GPATCH2: variants seen among roughly 807,000 people sequenced by gnomAD.
The protein encoded by GPATCH2 is G patch domain-containing protein 2.
In GPATCH2, 51 loss-of-function variants were observed where a neutral mutation model predicts 58.0. The observed-to-expected ratio is 0.88, with a 90% CI of 0.70 to 1.11. The LOEUF is 1.11. Among genes scored for constraint, GPATCH2 ranks in the 50% most tolerant of loss-of-function variants. The pLI, the probability that GPATCH2 is intolerant of heterozygous loss-of-function variation, is 0.00. For missense variants in GPATCH2, 625 were observed against 652.2 expected, an observed-to-expected ratio of 0.96 and a Z score of 0.45; for synonymous variants, 222 against 218.5, an observed-to-expected ratio of 1.02 and a Z score of -0.14.
chr1:217,590,745 C>T lies in GPATCH2; in HGVS notation c.1098+19576G>A, dbSNP rs372216338. The stretch of plus-strand genomic sequence containing the variant: ...TGGCCACTAGAAGGCATTTGAACTT[C>T]GGACTCCTGAGATAAATGAGTGATA... On this transcript the variant is annotated intron_variant, in intron 5 of 9. Transcript: ENST00000366935. Among the ~76,000 whole-genome samples, 24 of 152,306 alleles carry T rather than the reference C, an allele frequency of 1.6e-4. No homozygotes were observed. In the South Asian group the frequency reaches 3.1e-3, roughly 20 times the overall value.
intron 6 of GPATCH2, among the ~76,000 whole-genome samples, chr1:217,508,055 C>T (rs919074096): frequency 1.3e-5 from 2 of 152,022 alleles, no homozygotes; most frequent in Non-Finnish European, 2.9e-5. Context: ...CTGTATTTTA[C>T]ACCTAAGCAC....
intron 5 of GPATCH2, among the ~76,000 whole-genome samples, chr1:217,530,926 C>T (rs924779809): frequency 6.6e-6 from 1 of 151,968 alleles, no homozygotes; most frequent in South Asian, 2.1e-4. Flanking sequence ...AGCTGATTTG[C>T]TTTTCTTGGC....
chr1:217,566,508 T>C (rs1666244395), intron 5 of GPATCH2, among the ~76,000 whole-genome samples: 1 of 152,220 alleles, frequency 6.6e-6, no homozygotes, highest in African/African-American at 2.4e-5. Context: ...TAATTTTTTA[T>C]ATACAGTTCA....
intron 5 of GPATCH2, among the ~76,000 whole-genome samples, chr1:217,549,271 A>G (rs1367244266): frequency 6.6e-6 from 1 of 151,704 alleles, no homozygotes; most frequent in Non-Finnish European, 1.5e-5. Flanking sequence ...CATAACTTAG[A>G]TCAATATGAG....
intron 5 of GPATCH2, among the ~76,000 whole-genome samples, chr1:217,580,398 C>T (rs1396634677): frequency 6.6e-6 from 1 of 152,114 alleles, no homozygotes; most frequent in Admixed American, 6.5e-5. Flanking sequence ...AACCTTTCAA[C>T]TTACAAATCA....
intron 1 of GPATCH2, among the ~76,000 whole-genome samples, chr1:217,625,384 TG>T (rs1669401554): frequency 6.6e-6 from 1 of 152,178 alleles, no homozygotes; most frequent in South Asian, 2.1e-4. Flanking sequence ...CCCTAAGAAC[TG>T]GGAGTTGATT....
At chr1:217,574,007 T>C (rs758620741) in intron 5 of GPATCH2, among the ~76,000 whole-genome samples, 7 of 152,194 alleles carry the variant, frequency 4.6e-5, no homozygotes, top group Non-Finnish European at 8.8e-5. Context: ...AAAAATGATA[T>C]CTGAGAAAAT....
intron 2 of GPATCH2, among the ~76,000 whole-genome samples, chr1:217,619,121 A>G (rs1669054992): frequency 6.6e-6 from 1 of 152,208 alleles, no homozygotes; most frequent in African/African-American, 2.4e-5. Context: ...ATTTCTTGCA[A>G]GTAGCATCAC....
chr1:217,499,418 C>A (rs1662186177), intron 6 of GPATCH2, among the ~76,000 whole-genome samples: 1 of 152,148 alleles, frequency 6.6e-6, no homozygotes. Flanking sequence ...TGCAGAAGGG[C>A]AAGGGGCTAG....
Position 217,524,266 on chromosome 1 carries a change from G to A in GPATCH2, c.1099-9377C>T, listed in dbSNP as rs533486677. The stretch of plus-strand genomic sequence containing the variant: ...GGTCTCCTCACTTCTCAGACGGGGC[G>A]GCCGGGCAGAGACGCTCCTCACTTC... On this transcript the variant is annotated intron_variant, in intron 5 of 9. Transcript: ENST00000366935. Among the ~76,000 whole-genome samples, 91 of 150,414 alleles carry A rather than the reference G, an allele frequency of 6.0e-4. 1 individual carries two copies. The Middle Eastern group carries it at 0.017, about 28-fold the overall frequency.
chr1:217,475,883 C>A (rs972246070), intron 8 of GPATCH2, among the ~76,000 whole-genome samples: 2 of 151,386 alleles, frequency 1.3e-5, no homozygotes, highest in Admixed American at 6.6e-5. Context: ...ACATAAAATC[C>A]CACACAGGGG....
intron 8 of GPATCH2, among the ~76,000 whole-genome samples, chr1:217,459,956 T>G (rs1253378902): frequency 6.6e-6 from 1 of 152,170 alleles, no homozygotes; most frequent in Non-Finnish European, 1.5e-5. Context: ...TTTTTTTCTT[T>G]CATCAGCACA....
chr1:217,631,023 AACTAC>A lies in GPATCH2; in HGVS notation c.-57_-53del. 2.0e-6 allele frequency: 3 copies of A among 1,501,710 alleles called. No individual in the cohort carries two copies. Among genetic ancestry groups the A allele is most frequent in the Non-Finnish European group, 2.7e-6 (3 of 1,107,484 alleles). 93.0% of individuals were successfully genotyped at this position (1,501,710 alleles called of 1,614,324 possible). A position where few individuals can be genotyped will look rare whatever the true frequency, so the allele number is the denominator to read the frequency against. On this transcript the variant is annotated 5_prime_UTR_variant, in exon 1 of 10. It removes the in-frame stop codon of an upstream open reading frame in the 5' UTR. Transcript: ENST00000366935. ...AAGCTCAGGCCCGTGAACAGACTCC[AACTAC>A]AACAGCACCGGCGACTTCCAAAGAG...
chr1:217,441,698 C>A (rs1659148998), intron 9 of GPATCH2, among the ~76,000 whole-genome samples: 1 of 152,128 alleles, frequency 6.6e-6, no homozygotes, highest in African/African-American at 2.4e-5. Context: ...TGAACAGACA[C>A]TTCTCAAAAG....
chr1:217,576,421 T>C (rs1666806051), intron 5 of GPATCH2, among the ~76,000 whole-genome samples: 1 of 152,182 alleles, frequency 6.6e-6, no homozygotes, highest in African/African-American at 2.4e-5. Flanking sequence ...ATAAGTGTTT[T>C]CCAATTTTGG....
chr1:217,515,142 C>T (rs1663060998), intron 5 of GPATCH2, among the ~76,000 whole-genome samples: 1 of 150,964 alleles, frequency 6.6e-6, no homozygotes, highest in African/African-American at 2.4e-5. Flanking sequence ...GTCCCACAGA[C>T]TGGAGTGCAG....
chr1:217,622,188 G>A (rs780334629), intron 1 of GPATCH2, among the ~76,000 whole-genome samples: 4 of 152,130 alleles, frequency 2.6e-5, no homozygotes, highest in Non-Finnish European at 2.9e-5. Context: ...CAAATGACTC[G>A]TAGGTAGCTA....
chr1:217,492,436 C>T (rs1661791454), intron 7 of GPATCH2: 1 of 152,312 alleles, frequency 6.6e-6, no homozygotes, highest in South Asian at 2.1e-4. Context: ...TATGTGCTCA[C>T]TCAAACTCTA....
intron 5 of GPATCH2, among the ~76,000 whole-genome samples, chr1:217,601,472 T>C (rs555851141): frequency 5.9e-5 from 9 of 151,972 alleles, no homozygotes; most frequent in Non-Finnish European, 1.2e-4. Context: ...CTGTACCTGG[T>C]AAACAAAAGT....
Sources: gnomAD v4.1 joint callset for allele counts (sites outside exome capture counted in the v4.1 genomes callset) on GRCh38, gnomAD v4.1.1 for gene constraint, MANE v1.5 for transcripts, NCBI Gene and HGNC (gene_info 2026-07-23, HGNC 2026-07-21) for gene names.